Variants in ATP8B1 observed in about 807,000 individuals in gnomAD.
The protein encoded by ATP8B1 is phospholipid-transporting ATPase IC.
In ATP8B1, 80 loss-of-function variants were observed where a neutral mutation model predicts 149.9. The ratio of observed to expected loss-of-function variants is 0.53; its 90% CI spans 0.45 to 0.64. The LOEUF is 0.64. Ranked by LOEUF, ATP8B1 falls within the 30% of genes least tolerant of loss-of-function variation. The pLI is 0.00. For synonymous variants in ATP8B1, 536 were observed against 562.8 expected (o/e 0.95, Z 0.67); for missense variants, 1,247 against 1,552.6 (o/e 0.80, Z 3.31).
At chr18:57,728,162 G>A (rs1157987982) in intron 2 of ATP8B1, among the ~76,000 whole-genome samples, 1 of 152,116 alleles carries the variant, frequency 6.6e-6, no homozygotes, top group Non-Finnish European at 1.5e-5. Context: ...AAAAAAGAAA[G>A]CAACTTTCTG....
intron 15 of ATP8B1, among the ~76,000 whole-genome samples, chr18:57,681,262 A>T (rs113911514): frequency 1.3e-5 from 2 of 151,988 alleles, no homozygotes; most frequent in Non-Finnish European, 2.9e-5. Context: ...CAGTTGATAA[A>T]GAATAAAGAA....
chr18:57,741,379 G>A (rs1232123219), intron 1 of ATP8B1, among the ~76,000 whole-genome samples: 1 of 152,202 alleles, frequency 6.6e-6, no homozygotes, highest in Non-Finnish European at 1.5e-5. Flanking sequence ...CTATGGAGAG[G>A]CTCACATGGC....
At chr18:57,719,428 C>T (rs564530214) in intron 2 of ATP8B1, among the ~76,000 whole-genome samples, 13 of 152,300 alleles carry the variant, frequency 8.5e-5, no homozygotes, top group African/African-American at 2.6e-4. Flanking sequence ...CGAAGCAAGG[C>T]GAGGCATTGC....
intron 18 of ATP8B1, 176 bp downstream of exon 18, chr18:57,669,142 T>G (rs536577334): frequency 1.6e-6 from 1 of 606,138 alleles, no homozygotes; most frequent in East Asian, 3.0e-5. Flanking sequence ...AATGGCAACT[T>G]CTGTTCTGCT....
intron 1 of ATP8B1, among the ~76,000 whole-genome samples, chr18:57,786,650 A>G (rs1311678413): frequency 2.0e-5 from 3 of 152,236 alleles, no homozygotes; most frequent in Non-Finnish European, 4.4e-5. Flanking sequence ...ACAAAGGAAG[A>G]GTCCCTCACT....
Position 57,765,619 on chromosome 18 carries a change from A to G in ATP8B1, c.-25-33787T>C, listed in dbSNP as rs2080204388. On this transcript the variant is annotated intron_variant, in intron 1 of 27. Coordinates refer to ENST00000648908, the MANE Select transcript of ATP8B1 (RefSeq NM_001374385.1). ...AGGAGGTGGAGGTTGCAGTAAGCCAAGATCGCGCCACTGCACTCTAGCCTG... is the reference window on the plus strand; with the variant it reads ...AGGAGGTGGAGGTTGCAGTAAGCCAGGATCGCGCCACTGCACTCTAGCCTG... 2.0e-5 allele frequency among the ~76,000 whole-genome samples: 3 copies of G among 151,904 alleles called. No individual in the cohort carries two copies. The South Asian group carries it at 6.3e-4, about 32-fold the overall frequency.
At chr18:57,669,256 TTA>T in intron 18 of ATP8B1, 60 bp downstream of exon 18, 1 of 1,485,380 alleles carries the variant, frequency 6.7e-7, no homozygotes, top group Non-Finnish European at 9.2e-7. Flanking sequence ...TCAATAAAAC[TTA>T]ATAAAAATTT....
At chr18:57,793,269 T>C (rs79025537) in intron 1 of ATP8B1, among the ~76,000 whole-genome samples, 4,919 of 152,206 alleles carry the variant, frequency 0.032, 166 homozygotes, top group Admixed American at 0.08. Flanking sequence ...AAAATAAAAG[T>C]TGCACGTATG....
intron 2 of ATP8B1, among the ~76,000 whole-genome samples, chr18:57,722,107 G>A (rs2079652906): frequency 6.9e-6 from 1 of 145,770 alleles, no homozygotes; most frequent in African/African-American, 2.6e-5. Context: ...AGTGTGTAGA[G>A]GGAAATTTAT....
At chr18:57,772,992 G>A (rs1283560793) in intron 1 of ATP8B1, among the ~76,000 whole-genome samples, 1 of 152,074 alleles carries the variant, frequency 6.6e-6, no homozygotes, top group African/African-American at 2.4e-5. Context: ...GCTCATGCCT[G>A]TAATTCCAAC....
At chr18:57,786,619 A>T (rs980889391) in intron 1 of ATP8B1, among the ~76,000 whole-genome samples, 1 of 152,180 alleles carries the variant, frequency 6.6e-6, no homozygotes, top group Non-Finnish European at 1.5e-5. Flanking sequence ...CTAAGATGAG[A>T]ATGTACAGGG....
chr18:57,759,494 C>T lies in ATP8B1; in HGVS notation c.-25-27662G>A, dbSNP rs2080125293. Among the ~76,000 whole-genome samples the T allele has an allele frequency of 2.0e-5, 3 of 151,966 alleles. No individual in the cohort carries two copies. The South Asian group carries it at 6.2e-4, about 32-fold the overall frequency. On this transcript the variant is annotated intron_variant, in intron 1 of 27. Transcript: ENST00000648908. Reference sequence around the variant, plus strand: ...TAATCCCTAACAGATAATCTGGTAACTCATGGCAAGTGGTCATCAAAGAAA... The same window carrying T: ...TAATCCCTAACAGATAATCTGGTAATTCATGGCAAGTGGTCATCAAAGAAA...
rs1568189169 is a variant in ATP8B1 at position 57,672,903 on chromosome 18, T to A, written c.1820-1323A>T. ...AAAAAAAAGTATATATATATATATA[T>A]ATATATATATATATATATATATATA... On this transcript the variant is annotated intron_variant, in intron 16 of 27. Transcript: ENST00000648908. 2.7e-4 allele frequency among the ~76,000 whole-genome samples: 15 copies of A among 56,056 alleles called. 1 individual carries two copies. The highest frequency in any genetic ancestry group is 2.3e-3 in the East Asian group (4 of 1,718). The allele number at this position is 56,056 out of a possible 152,430, so 36.8% of individuals were successfully genotyped here. A position where few individuals can be genotyped will look rare whatever the true frequency, so the allele number is the denominator to read the frequency against.
intron 1 of ATP8B1, among the ~76,000 whole-genome samples, chr18:57,764,399 TTCTTTCTTTCTCTCTTTCTC>T (rs1293702985): frequency 4.3e-5 from 6 of 138,934 alleles, no homozygotes; most frequent in Non-Finnish European, 7.9e-5. Context: ...CTTTCTCTCT[TTCTTTCTTTCTCTCTTTCTC>T]TCTTTCTTTC....
intron 1 of ATP8B1, among the ~76,000 whole-genome samples, chr18:57,789,294 T>A (rs1568072484): frequency 3.3e-5 from 5 of 152,226 alleles, no homozygotes; most frequent in Admixed American, 2.6e-4. Flanking sequence ...TTTCCAACCT[T>A]CGGCTGTGAG....
chr18:57,702,008 T>G (rs1913153832), intron 4 of ATP8B1, among the ~76,000 whole-genome samples: 1 of 152,160 alleles, frequency 6.6e-6, no homozygotes, highest in East Asian at 1.9e-4. Context: ...AAAGTCATCT[T>G]AACTTTTAAG....
chr18:57,682,239 C>A (rs1456472415), intron 15 of ATP8B1, among the ~76,000 whole-genome samples: 3 of 152,178 alleles, frequency 2.0e-5, no homozygotes, highest in Non-Finnish European at 2.9e-5. Context: ...CTCCTGACCT[C>A]ATGATCTGCC....
intron 1 of ATP8B1, among the ~76,000 whole-genome samples, chr18:57,792,732 G>A (rs2080476300): frequency 6.6e-6 from 1 of 152,114 alleles, no homozygotes. Context: ...ATTTTAAAAG[G>A]CTGAACTGTA....
chr18:57,777,900 T>G (rs1024605188), intron 1 of ATP8B1, among the ~76,000 whole-genome samples: 6 of 152,208 alleles, frequency 3.9e-5, no homozygotes, highest in African/African-American at 1.4e-4. Flanking sequence ...TTTTGTACCT[T>G]TCGAAGGTTG....
Sources: gnomAD v4.1 joint callset for allele counts (sites outside exome capture counted in the v4.1 genomes callset) on GRCh38, gnomAD v4.1.1 for gene constraint, MANE v1.5 for transcripts, NCBI Gene and HGNC (gene_info 2026-07-23, HGNC 2026-07-21) for gene names.